Variants in THRAP3 observed in about 807,000 individuals in gnomAD.
THRAP3 encodes thyroid hormone receptor associated protein 3, also known as thyroid hormone receptor-associated protein 3.
In THRAP3, 16 loss-of-function variants were observed where a neutral mutation model predicts 101.0. That is an observed-to-expected ratio of 0.16 (90% CI 0.11 to 0.24). The LOEUF (loss-of-function observed/expected upper bound fraction) is 0.24. Ranked by LOEUF, THRAP3 falls within the 10% of genes least tolerant of loss-of-function variation. The pLI, the probability that THRAP3 is intolerant of heterozygous loss-of-function variation, is 1.00. For synonymous variants in THRAP3, 407 were observed against 422.6 expected (o/e 0.96, Z 0.45); for missense variants, 989 against 1,202.7 (o/e 0.82, Z 2.63).
chr1:36,301,242 C>A (rs1308440275), intron 10 of THRAP3, among the ~76,000 whole-genome samples, 158 bp downstream of exon 10: 1 of 152,222 alleles, frequency 6.6e-6, no homozygotes, highest in Non-Finnish European at 1.5e-5. Context: ...CTGGCCTTTC[C>A]ATTTTTTGTT....
intron 5 of THRAP3, among the ~76,000 whole-genome samples, chr1:36,290,192 T>G (rs1645848685): frequency 6.6e-6 from 1 of 151,842 alleles, no homozygotes; most frequent in Admixed American, 6.6e-5. Context: ...ATAGTCTCTC[T>G]CTCTCTCTTC....
At chr1:36,208,916 C>T in the THRAP3 span, among the ~76,000 whole-genome samples, 8 of 149,258 alleles carry the variant, frequency 5.4e-5, no homozygotes, top group African/African-American at 2.0e-4. Context: ...ATCTGCCTGC[C>T]TTGGCCTCCC....
intron 1 of THRAP3, among the ~76,000 whole-genome samples, chr1:36,247,659 T>C (rs891757275): frequency 2.0e-5 from 3 of 152,144 alleles, no homozygotes; most frequent in African/African-American, 7.2e-5. Flanking sequence ...AAGTATGATA[T>C]ACAAGAAATA....
intron 9 of THRAP3, among the ~76,000 whole-genome samples, chr1:36,300,062 A>G (rs1438800655): frequency 2.0e-5 from 3 of 152,080 alleles, no homozygotes; most frequent in Admixed American, 1.3e-4. Context: ...TGCCCCCTAG[A>G]GGTATTCAGT....
chr1:36,234,968 C>T (rs184501439), intron 1 of THRAP3, among the ~76,000 whole-genome samples: 16 of 152,198 alleles, frequency 1.1e-4, no homozygotes, highest in Admixed American at 7.2e-4. Context: ...CATCCACTAC[C>T]GCGCCTGGCT....
chr1:36,255,634 GT>G lies in THRAP3; in HGVS notation c.-134-3747del, dbSNP rs879698495. On this transcript the variant is annotated intron_variant, in intron 1 of 11. Coordinates refer to ENST00000354618, the MANE Select transcript of THRAP3 (RefSeq NM_005119.4). The stretch of plus-strand genomic sequence containing the variant: ...AAATACAAAAAAAAAATAGCTGGGT[GT>G]GGTTGTGCATGCCTGTAATCCCAGC... Among the ~76,000 whole-genome samples the G allele has an allele frequency of 7.7e-3, 1,175 of 151,956 alleles. 10 individuals are homozygous for G. Among genetic ancestry groups the G allele is most frequent in the African/African-American group, 0.027 (1,121 of 41,456 alleles).
At chr1:36,226,947 G>A (rs936410942) in intron 1 of THRAP3, among the ~76,000 whole-genome samples, 2 of 152,282 alleles carry the variant, frequency 1.3e-5, no homozygotes, top group Admixed American at 1.3e-4. Context: ...ACATAGAGGT[G>A]TCCAGTTCAG....
chr1:36,265,227 G>T (rs894498847), intron 2 of THRAP3, among the ~76,000 whole-genome samples: 6 of 152,162 alleles, frequency 3.9e-5, no homozygotes, highest in Non-Finnish European at 1.5e-5. Context: ...TAATGAACCA[G>T]TATGAAACTT....
At chr1:36,288,336 T>C in intron 4 of THRAP3, 1 of 954,268 alleles carries the variant, frequency 1.0e-6, no homozygotes, top group Non-Finnish European at 1.2e-6. Context: ...TTCCCAAAGT[T>C]CATTATGTCA....
intron 1 of THRAP3, among the ~76,000 whole-genome samples, chr1:36,233,801 A>G (rs1645055689): frequency 6.6e-6 from 1 of 152,070 alleles, no homozygotes; most frequent in East Asian, 1.9e-4. Context: ...TTTGTATTCA[A>G]AACCCATTCT....
At chr1:36,299,246 C>T (rs1645998906) in intron 9 of THRAP3, among the ~76,000 whole-genome samples, 3 of 151,952 alleles carry the variant, frequency 2.0e-5, no homozygotes, top group Admixed American at 2.0e-4. Flanking sequence ...TGAGACCATC[C>T]TGGCCAACAT....
chr1:36,287,106 G>C lies in THRAP3; in HGVS notation c.876G>C (p.Gly292=), dbSNP rs768748683. 1.9e-6 allele frequency: 3 copies of C among 1,614,132 alleles called. No individual in the cohort carries two copies. The Admixed American group carries it at 5.0e-5, about 27-fold the overall frequency. The change falls in exon 4 of 12, where the codon GGG becomes GGC. Residue 292 remains glycine, a synonymous_variant. Transcript: ENST00000354618. ...QMGSTLPSGA[G]YQSGTHQGQF... ...GCTCAACTCTGCCGAGTGGTGCCGG[G>C]TATCAGTCTGGGACACACCAAGGTC...
intron 4 of THRAP3, chr1:36,288,147 TTTTA>T (rs878878357): frequency 5.6e-4 from 550 of 975,424 alleles, no homozygotes; most frequent in Non-Finnish European, 6.1e-4. Flanking sequence ...GTCTGTTTTA[TTTTA>T]TTTATTTATT....
rs1031114336 is a variant in THRAP3, at chr1:36,271,439, C to T, written c.-31-11094C>T. On this transcript the variant is annotated intron_variant, in intron 2 of 11. Coordinates refer to ENST00000354618, the MANE Select transcript of THRAP3 (RefSeq NM_005119.4). ...CTGGGATTACAGGTGCATGCCAACA[C>T]ACCTGGCTAATTCTTGTATTTTTAG... 2.6e-5 allele frequency among the ~76,000 whole-genome samples: 4 copies of T among 152,038 alleles called. No homozygotes were observed. In the South Asian group the frequency reaches 6.2e-4, roughly 24 times the overall value.
At chr1:36,250,046 C>T (rs1447503741) in intron 1 of THRAP3, among the ~76,000 whole-genome samples, 2 of 151,890 alleles carry the variant, frequency 1.3e-5, no homozygotes, top group Non-Finnish European at 2.9e-5. Flanking sequence ...TGGTGTAACG[C>T]CTTGGGTTAA....
At chr1:36,220,972 A>AAATATATAT (rs1285765741), upstream of THRAP3, among the ~76,000 whole-genome samples, 5 of 94,124 alleles carry the variant, frequency 5.3e-5, no homozygotes, top group Admixed American at 1.4e-4. Flanking sequence ...AAAAAAAAAA[A>AAATATATAT]ATATATATAT....
At chr1:36,294,013 A>C in intron 8 of THRAP3, 78 bp downstream of exon 8, 1 of 1,576,162 alleles carries the variant, frequency 6.3e-7, no homozygotes, top group Non-Finnish European at 8.7e-7. Flanking sequence ...TGTTTGTTTA[A>C]ATTACTCTCT....
chr1:36,302,168 C>T (rs568006483), intron 11 of THRAP3, among the ~76,000 whole-genome samples: 1 of 152,202 alleles, frequency 6.6e-6, no homozygotes, highest in Non-Finnish European at 1.5e-5. Flanking sequence ...TTGATCATTC[C>T]TGTGCACTCT....
At chr1:36,282,241 T>G (rs113107560) in intron 2 of THRAP3, among the ~76,000 whole-genome samples, 30,633 of 151,654 alleles carry the variant, frequency 0.2, 3,972 homozygotes, top group Non-Finnish European at 0.29. Flanking sequence ...CTCTCTTTTT[T>G]TTTTTTTTGG....
Sources: allele counts gnomAD v4.1 joint callset (sites outside exome capture counted in the v4.1 genomes callset), GRCh38; gene constraint gnomAD v4.1.1; transcripts MANE v1.5; gene names NCBI Gene and HGNC (gene_info 2026-07-23, HGNC 2026-07-21).